The following RASA2 variants were observed in gnomAD, a reference collection of about 807,000 sequenced individuals.
RASA2 encodes the protein RAS p21 protein activator 2.
RASA2 carries 155 observed loss-of-function variants against 118.2 expected under a neutral mutation model. That is an observed-to-expected ratio of 1.31 (90% CI 1.15 to 1.50). The LOEUF (loss-of-function observed/expected upper bound fraction) is 1.50, where lower values mean the gene tolerates loss of function less well. Among genes scored for constraint, RASA2 ranks in the 40% most tolerant of loss-of-function variants. The pLI is 0.00. For missense variants in RASA2, 1,016 were observed against 1,009.6 expected (o/e 1.01, Z -0.09); for synonymous variants, 353 against 349.1 (o/e 1.01, Z -0.12).
chr3:141,599,211 G>T (rs1411677558), intron 19 of RASA2, among the ~76,000 whole-genome samples: 4 of 150,370 alleles, frequency 2.7e-5, no homozygotes, highest in Non-Finnish European at 4.4e-5. Flanking sequence ...CATGTTTGTG[G>T]ATTGAAGATT....
Position 141,553,934 on chromosome 3 carries a change from C to T in RASA2, c.605C>T (p.Pro202Leu). ...DPYATVSLVG[P>L]SRNDQKKTKV... The stretch of plus-strand genomic sequence containing the variant: ...TATGCAACAGTTTCTCTAGTGGGCC[C>T]TTCTAGGTAATATTTATTGAATTAT... Residue 202 changes from proline to leucine, a missense_variant, in exon 6 of 24, where the codon CCT becomes CTT. This residue lies in a region of RASA2 where 896 missense variants were observed against 836.4 expected (regional missense o/e 1.07). Coordinates refer to ENST00000286364, the MANE Select transcript of RASA2 (RefSeq NM_006506.5). 6.2e-7 allele frequency: 1 copy of T among 1,606,038 alleles called. No individual in the cohort carries two copies. The highest frequency in any genetic ancestry group is 8.5e-7 in the Non-Finnish European group (1 of 1,176,624).
At chr3:141,584,618 T>C (rs1449997433) in intron 17 of RASA2, among the ~76,000 whole-genome samples, 1 of 152,208 alleles carries the variant, frequency 6.6e-6, no homozygotes, top group Non-Finnish European at 1.5e-5. Flanking sequence ...TAAAGTCAGT[T>C]ATATATGATA....
intron 9 of RASA2, among the ~76,000 whole-genome samples, chr3:141,564,815 T>C (rs1367588682): frequency 1.3e-5 from 2 of 152,210 alleles, no homozygotes; most frequent in Non-Finnish European, 2.9e-5. Context: ...ATTATCACTC[T>C]TCTCCCTACT....
At chr3:141,504,990 C>T (rs1054579529) in intron 1 of RASA2, among the ~76,000 whole-genome samples, 2 of 152,202 alleles carry the variant, frequency 1.3e-5, no homozygotes, top group Non-Finnish European at 2.9e-5. Context: ...CCCTCAATGA[C>T]TTCCTTCAGG....
intron 19 of RASA2, among the ~76,000 whole-genome samples, chr3:141,591,172 A>C (rs1385320225): frequency 6.6e-6 from 1 of 152,230 alleles, no homozygotes; most frequent in East Asian, 1.9e-4. Context: ...CATCTTTTGC[A>C]GTATCCATAT....
Position 141,556,231 on chromosome 3 carries a change from T to A in RASA2, c.684+319T>A, listed in dbSNP as rs116724646. On this transcript the variant is annotated intron_variant, in intron 7 of 23. Coordinates refer to ENST00000286364, the MANE Select transcript of RASA2 (RefSeq NM_006506.5). ...ACCTAACACATAGTGGCCACAGGATTCTTCTGCAGGGTACCCTTTGACAGT... is the reference window on the plus strand; with the variant it reads ...ACCTAACACATAGTGGCCACAGGATACTTCTGCAGGGTACCCTTTGACAGT... Among the ~76,000 whole-genome samples, 696 of 152,334 alleles carry A rather than the reference T, an allele frequency of 4.6e-3. 5 individuals are homozygous for A. The highest frequency in any genetic ancestry group is 0.016 in the African/African-American group (665 of 41,570).
chr3:141,553,676 A>G (rs919835722), intron 5 of RASA2, among the ~76,000 whole-genome samples, 181 bp from the exon 6 acceptor site: 2 of 152,228 alleles, frequency 1.3e-5, no homozygotes, highest in Non-Finnish European at 2.9e-5. Flanking sequence ...TTAAAAATGC[A>G]TACATACATA....
chr3:141,522,310 G>A (rs1329112476), intron 3 of RASA2, among the ~76,000 whole-genome samples: 1 of 152,056 alleles, frequency 6.6e-6, no homozygotes, highest in African/African-American at 2.4e-5. Context: ...TGGAGGGCCC[G>A]GGGCTGCTGA....
At chr3:141,585,667 G>T (rs1245926731) in intron 17 of RASA2, among the ~76,000 whole-genome samples, 2 of 152,118 alleles carry the variant, frequency 1.3e-5, no homozygotes, top group African/African-American at 2.4e-5. Context: ...GCCCATGGTG[G>T]CACATGCCTG....
At chr3:141,606,539 A>G (rs1347484977) in intron 19 of RASA2, among the ~76,000 whole-genome samples, 1 of 152,182 alleles carries the variant, frequency 6.6e-6, no homozygotes, top group African/African-American at 2.4e-5. Flanking sequence ...ATTTACAGCT[A>G]TATCATAAGT....
At chr3:141,581,451 T>C (rs1233298096) in intron 17 of RASA2, among the ~76,000 whole-genome samples, 10 of 152,226 alleles carry the variant, frequency 6.6e-5, no homozygotes. Context: ...AGTGACACTA[T>C]TGGCATTTGG....
In RASA2 at chr3:141,577,081, C is replaced by G. The variant is rs755376853; in HGVS notation, c.1565C>G (p.Thr522Ser). 4 of 1,607,382 alleles carry G rather than the reference C, an allele frequency of 2.5e-6. No homozygotes were observed. Among genetic ancestry groups the G allele is most frequent in the Non-Finnish European group, 3.4e-6 (4 of 1,175,166 alleles). The change falls in exon 15 of 24, where the codon ACT becomes AGT. Residue 522 changes from threonine (T) to serine (S), a missense_variant. Transcript: ENST00000286364. ...GCTGTAGCCGTAGTATCACCTCATACTTTTCATTTGCGACCTCATCATCCA... is the reference window on the plus strand; with the variant it reads ...GCTGTAGCCGTAGTATCACCTCATAGTTTTCATTTGCGACCTCATCATCCA... ...FFAVAVVSPH[T>S]FHLRPHHPDA...
intron 4 of RASA2, among the ~76,000 whole-genome samples, chr3:141,538,877 A>G (rs549027585): frequency 1.2e-4 from 19 of 152,318 alleles, no homozygotes; most frequent in Non-Finnish European, 1.8e-4. Context: ...CTATAATACT[A>G]TGATTTTAGT....
intron 21 of RASA2, among the ~76,000 whole-genome samples, chr3:141,608,989 T>C (rs2083593888): frequency 6.6e-6 from 1 of 152,096 alleles, no homozygotes; most frequent in Admixed American, 6.6e-5. Context: ...AGAGATTCTT[T>C]TAGGAGTGAA....
At chr3:141,599,241 GTTT>G (rs577049346) in intron 19 of RASA2, among the ~76,000 whole-genome samples, 5 of 117,786 alleles carry the variant, frequency 4.2e-5, no homozygotes, top group Admixed American at 8.3e-5. Context: ...TGTTTTTTGG[GTTT>G]TTTTTTTTTT....
chr3:141,545,535 A>G (rs1057512811), intron 5 of RASA2, among the ~76,000 whole-genome samples: 3 of 131,346 alleles, frequency 2.3e-5, no homozygotes, highest in Non-Finnish European at 4.7e-5. Context: ...CACGACCTCC[A>G]CCTCCTGGGT....
chr3:141,490,359 C>T (rs1165197294), intron 1 of RASA2, among the ~76,000 whole-genome samples: 1 of 143,582 alleles, frequency 7.0e-6, no homozygotes, highest in African/African-American at 2.6e-5. Flanking sequence ...AAAAAAAAAC[C>T]GTATTCAAAC....
chr3:141,524,140 A>C (rs146357520), intron 3 of RASA2, among the ~76,000 whole-genome samples: 5 of 152,308 alleles, frequency 3.3e-5, no homozygotes, highest in African/African-American at 1.2e-4. Context: ...AACCTAGCTG[A>C]GTGGCTCGGC....
intron 1 of RASA2, among the ~76,000 whole-genome samples, chr3:141,492,174 A>C (rs1292878134): frequency 6.6e-6 from 1 of 152,172 alleles, no homozygotes; most frequent in Non-Finnish European, 1.5e-5. Context: ...AAAACTTAGA[A>C]CTCTTTGAAT....
Sources: allele counts gnomAD v4.1 joint callset (sites outside exome capture counted in the v4.1 genomes callset), GRCh38; gene constraint gnomAD v4.1.1; regional missense constraint gnomAD v4.1.1; transcripts MANE v1.5; gene names NCBI Gene and HGNC (gene_info 2026-07-23, HGNC 2026-07-21).